The following FAM81B variants were observed in gnomAD, a reference collection of about 807,000 sequenced individuals.
FAM81B encodes protein FAM81B.
A neutral mutation model predicts 58.7 loss-of-function variants in FAM81B; 60 were observed. That is an observed-to-expected ratio of 1.02 (90% CI 0.83 to 1.27). The LOEUF (loss-of-function observed/expected upper bound fraction) is 1.27. Ranked by LOEUF, FAM81B falls within the 50% of genes most tolerant of loss-of-function variation. The pLI is 0.00. For missense variants in FAM81B, 491 were observed against 522.0 expected (o/e 0.94, Z 0.58); for synonymous variants, 189 against 179.6 (o/e 1.05, Z -0.42).
chr5:95,437,736 T>A (rs1341490859), intron 7 of FAM81B, among the ~76,000 whole-genome samples: 5 of 152,214 alleles, frequency 3.3e-5, no homozygotes, highest in Non-Finnish European at 4.4e-5. Flanking sequence ...TCCACAAATG[T>A]TCAAATTACT....
intron 7 of FAM81B, among the ~76,000 whole-genome samples, chr5:95,441,687 T>C (rs977784769): frequency 4.6e-5 from 7 of 152,214 alleles, no homozygotes; most frequent in South Asian, 2.1e-4. Flanking sequence ...ACTAAACTTA[T>C]ATTGAACTTA....
In FAM81B at chr5:95,423,996, C is replaced by T. The variant is rs1449665810; in HGVS notation, c.656+3594C>T. ...GATTCAGGTCAGCAACACCAAACAG[C>T]CGGGAGGTATAGCCAAGGATGCAAC... On this transcript the variant is annotated intron_variant, in intron 5 of 9. Coordinates refer to ENST00000283357, the MANE Select transcript of FAM81B (RefSeq NM_152548.3). 28 of 1,287,918 alleles carry T rather than the reference C, an allele frequency of 2.2e-5. No individual in the cohort carries two copies. The South Asian group carries it at 3.1e-4, about 14-fold the overall frequency. 79.8% of individuals were successfully genotyped at this position (1,287,918 alleles called of 1,614,324 possible).
chr5:95,440,781 C>G, intron 7 of FAM81B: 1 of 291,020 alleles, frequency 3.4e-6, no homozygotes, highest in Non-Finnish European at 6.7e-6. Context: ...TCACATTTTG[C>G]GGGGAGGAAT....
At chr5:95,396,844 T>C (rs1036854545) in intron 3 of FAM81B, 2 of 152,288 alleles carry the variant, frequency 1.3e-5, no homozygotes, top group East Asian at 3.8e-4. Context: ...GGATTTAGTG[T>C]CAGTCCTTCT....
intron 4 of FAM81B, among the ~76,000 whole-genome samples, chr5:95,415,327 G>A (rs1762512441): frequency 6.6e-6 from 1 of 152,138 alleles, no homozygotes; most frequent in African/African-American, 2.4e-5. Flanking sequence ...GAGAATACTG[G>A]ATTTTATTAA....
intron 7 of FAM81B, 135 bp from the exon 8 acceptor site, chr5:95,446,427 C>A: frequency 1.2e-6 from 1 of 855,490 alleles, no homozygotes; most frequent in Non-Finnish European, 1.7e-6. Flanking sequence ...GCCTCTGGCA[C>A]CTCCCACATC....
chr5:95,403,545 A>T (rs1318196070), intron 3 of FAM81B, among the ~76,000 whole-genome samples: 1 of 152,246 alleles, frequency 6.6e-6, no homozygotes, highest in Non-Finnish European at 1.5e-5. Context: ...ATGTAGAAAT[A>T]CTGATTAGCT....
At chr5:95,440,221 G>T in intron 7 of FAM81B, 1 of 665,564 alleles carries the variant, frequency 1.5e-6, no homozygotes, top group Non-Finnish European at 2.9e-6. Flanking sequence ...TGGCTTCTCG[G>T]TCTAGCTGTG....
intron 3 of FAM81B, among the ~76,000 whole-genome samples, chr5:95,400,441 C>T (rs200820426): frequency 8.8e-6 from 1 of 113,690 alleles, no homozygotes; most frequent in African/African-American, 3.6e-5. Context: ...CATACACACA[C>T]ACACACACAT....
intron 5 of FAM81B, among the ~76,000 whole-genome samples, chr5:95,426,962 T>G (rs1363032366): frequency 6.6e-6 from 1 of 152,004 alleles, no homozygotes; most frequent in African/African-American, 2.4e-5. Context: ...GGCAGGAGAA[T>G]GGCGTGAACC....
chr5:95,426,613 A>G (rs1762837794), intron 5 of FAM81B, among the ~76,000 whole-genome samples: 1 of 152,200 alleles, frequency 6.6e-6, no homozygotes. Context: ...GCACTCCAGG[A>G]GACATTATTC....
intron 3 of FAM81B, among the ~76,000 whole-genome samples, chr5:95,397,420 C>T (rs1306363780): frequency 6.6e-6 from 1 of 152,166 alleles, no homozygotes; most frequent in Non-Finnish European, 1.5e-5. Flanking sequence ...ACCTTATCTT[C>T]CAAGGAGAAA....
rs112281652 is a variant in FAM81B at position 95,403,737 on chromosome 5, G to A, written c.293+7562G>A. Among the ~76,000 whole-genome samples the A allele has an allele frequency of 3.4e-3, 515 of 152,296 alleles. 2 individuals carry two copies. The highest frequency in any genetic ancestry group is 0.012 in the African/African-American group (487 of 41,560). On this transcript the variant is annotated intron_variant, in intron 3 of 9. Transcript: ENST00000283357. ...ACAACATTCAGCGAAGAAGAGGGAA[G>A]TTTCTTCTGTGTATCCCTTCTTGAA...
chr5:95,404,122 A>G (rs1433685707), intron 3 of FAM81B, among the ~76,000 whole-genome samples: 1 of 152,174 alleles, frequency 6.6e-6, no homozygotes, highest in African/African-American at 2.4e-5. Flanking sequence ...GATTGTCTAG[A>G]GGCCACAAAG....
chr5:95,398,013 C>T (rs916894511), intron 3 of FAM81B, among the ~76,000 whole-genome samples: 2 of 152,164 alleles, frequency 1.3e-5, no homozygotes, highest in African/African-American at 4.8e-5. Flanking sequence ...CTTAAATCAG[C>T]TGATTAACTG....
At chr5:95,439,766 GA>G (rs1361428751) in intron 7 of FAM81B, among the ~76,000 whole-genome samples, 4 of 152,094 alleles carry the variant, frequency 2.6e-5, no homozygotes, top group African/African-American at 9.7e-5. Flanking sequence ...ATTTAAAAAT[GA>G]AGTAGATAAT....
At chr5:95,395,661 C>T (rs1002009033) in intron 2 of FAM81B, among the ~76,000 whole-genome samples, 3 of 152,120 alleles carry the variant, frequency 2.0e-5, no homozygotes, top group Non-Finnish European at 4.4e-5. Context: ...TATGACTGCT[C>T]TGGCTATAAT....
intron 6 of FAM81B, among the ~76,000 whole-genome samples, chr5:95,433,370 G>A (rs1430682875): frequency 8.5e-5 from 13 of 152,088 alleles, no homozygotes. Flanking sequence ...TCACTATAAT[G>A]AGAATAGCAG....
chr5:95,406,543 G>A (rs1366011793), intron 3 of FAM81B, among the ~76,000 whole-genome samples: 2 of 152,100 alleles, frequency 1.3e-5, no homozygotes, highest in Admixed American at 1.3e-4. Context: ...CCTTGACAAG[G>A]CAGTTCTCAG....
Sources: gnomAD v4.1 joint callset for allele counts (sites outside exome capture counted in the v4.1 genomes callset) on GRCh38, gnomAD v4.1.1 for gene constraint, MANE v1.5 for transcripts, NCBI Gene and HGNC (gene_info 2026-07-23, HGNC 2026-07-21) for gene names.